The following ATAD1 variants were observed in gnomAD, a reference collection of about 807,000 sequenced individuals.
ATAD1 encodes outer mitochondrial transmembrane helix translocase.
In ATAD1, 18 loss-of-function variants were observed where a neutral mutation model predicts 42.7. That is an observed-to-expected ratio of 0.42 (90% confidence interval 0.29 to 0.63). ATAD1 has a LOEUF of 0.63. Among genes scored for constraint, ATAD1 ranks in the 20% least tolerant of loss-of-function variants. ATAD1 has a pLI of 0.19. For synonymous variants in ATAD1, 132 were observed against 143.1 expected, an observed-to-expected ratio of 0.92 and a Z score of 0.55; for missense variants, 294 against 440.4, an observed-to-expected ratio of 0.67 and a Z score of 2.98.
At chr10:87,812,014 C>A (rs746080305) in intron 2 of ATAD1, among the ~76,000 whole-genome samples, 3 of 152,172 alleles carry the variant, frequency 2.0e-5, no homozygotes, top group Non-Finnish European at 4.4e-5. Flanking sequence ...TTTCCCACAT[C>A]ATCACAAAGT....
Position 87,754,649 on chromosome 10 carries a change from C to T in ATAD1, c.*38G>A, listed in dbSNP as rs775643900. 1 of 1,591,914 alleles carries T rather than the reference C, an allele frequency of 6.3e-7. No homozygotes were observed. Among genetic ancestry groups the T allele is most frequent in the Non-Finnish European group, 8.6e-7 (1 of 1,166,154 alleles). ...TCCACTAACTGATAAGAGGACACAC[C>T]AAACTAGATCACTGAACTGTACAAA... is the stretch of plus-strand genomic sequence containing the variant. On this transcript the variant is annotated 3_prime_UTR_variant, in exon 10 of 10. Coordinates refer to ENST00000680024, the MANE Select transcript of ATAD1 (RefSeq NM_001321967.2).
In ATAD1 at chr10:87,753,935, A is replaced by T. The variant is rs1399316917; in HGVS notation, c.*752T>A. On this transcript the variant is annotated 3_prime_UTR_variant, in exon 10 of 10. Coordinates refer to ENST00000680024, the MANE Select transcript of ATAD1 (RefSeq NM_001321967.2). ...ATTTAAATTTAAAAAGTTTATACTC[A>T]AGAGGTGAAATCAGTGTTGAGCACA... 1 of 152,390 alleles carries T rather than the reference A, an allele frequency of 6.6e-6. No individual in the cohort carries two copies. Among genetic ancestry groups the T allele is most frequent in the Non-Finnish European group, 1.5e-5 (1 of 68,024 alleles). 9.4% of individuals were successfully genotyped at this position (152,390 alleles called of 1,614,324 possible). A position where few individuals can be genotyped will look rare whatever the true frequency, so the allele number is the denominator to read the frequency against.
intron 2 of ATAD1, among the ~76,000 whole-genome samples, chr10:87,810,389 A>T (rs1008384174): frequency 6.6e-6 from 1 of 151,914 alleles, no homozygotes; most frequent in African/African-American, 2.4e-5. Context: ...TCCATTTTTT[A>T]TTTAAATCTT....
At chr10:87,781,673 C>T (rs953281934) in intron 5 of ATAD1, among the ~76,000 whole-genome samples, 5 of 151,906 alleles carry the variant, frequency 3.3e-5, no homozygotes, top group South Asian at 2.1e-4. Flanking sequence ...TGGGGTCTTG[C>T]TCTGTTGCCC....
chr10:87,751,744 A>G lies in ATAD1; in HGVS notation c.*2943T>C, dbSNP rs1221535304. The G allele has an allele frequency of 3.9e-5, 6 of 152,212 alleles. No homozygotes were observed. The highest frequency in any genetic ancestry group is 1.4e-4 in the African/African-American group (6 of 41,462). 9.4% of individuals were successfully genotyped at this position (152,212 alleles called of 1,614,324 possible). A position where few individuals can be genotyped will look rare whatever the true frequency, so the allele number is the denominator to read the frequency against. The stretch of plus-strand genomic sequence containing the variant: ...TGGAATTATTCTATGACTTCATTTG[A>G]AGCACCCAGTTGGTGCTGGAGTTTC... On this transcript the variant is annotated 3_prime_UTR_variant, in exon 10 of 10. Transcript: ENST00000680024.
intron 2 of ATAD1, among the ~76,000 whole-genome samples, chr10:87,797,641 A>G (rs1245905271): frequency 6.6e-6 from 1 of 152,162 alleles, no homozygotes; most frequent in Non-Finnish European, 1.5e-5. Context: ...GCTTGGGGGT[A>G]CCAGAGATTA....
intron 4 of ATAD1, among the ~76,000 whole-genome samples, chr10:87,785,278 G>C (rs1217494996): frequency 6.6e-6 from 1 of 151,680 alleles, no homozygotes; most frequent in Non-Finnish European, 1.5e-5. Flanking sequence ...TTAATACAAG[G>C]GATCTAGAGG....
chr10:87,755,589 A>G (rs966308350), intron 9 of ATAD1, among the ~76,000 whole-genome samples: 1 of 152,078 alleles, frequency 6.6e-6, no homozygotes, highest in African/African-American at 2.4e-5. Context: ...CTGGTTGGTT[A>G]TTTCTCCTCT....
rs369762197 is a variant in ATAD1, at chr10:87,830,501, GT to G, written c.-14+10685del. 1.4e-3 allele frequency among the ~76,000 whole-genome samples: 219 copies of G among 152,206 alleles called. 1 individual carries two copies. Among genetic ancestry groups the G allele is most frequent in the East Asian group, 9.8e-3 (51 of 5,182 alleles). Reference sequence around the variant, plus strand: ...ACTCACATAGATTCTTATGAATCATGTTTTTTTCCCCCCTGTCTTATGGTGC... The same window carrying G: ...ACTCACATAGATTCTTATGAATCATGTTTTTTCCCCCCTGTCTTATGGTGC... On this transcript the variant is annotated intron_variant, in intron 1 of 4. Coordinates refer to the ATAD1 transcript ENST00000495903.
intron 9 of ATAD1, among the ~76,000 whole-genome samples, chr10:87,756,566 T>C (rs555578347): frequency 6.6e-6 from 1 of 152,212 alleles, no homozygotes; most frequent in East Asian, 1.9e-4. Context: ...GAAATTCACC[T>C]TTTTTCTCCT....
chr10:87,758,996 A>AG (rs1204321176), intron 8 of ATAD1, among the ~76,000 whole-genome samples: 1 of 152,124 alleles, frequency 6.6e-6, no homozygotes, highest in African/African-American at 2.4e-5. Flanking sequence ...TGATGGTTAT[A>AG]GGGTTGCAAA....
chr10:87,772,220 T>TC (rs1316285495), intron 6 of ATAD1, among the ~76,000 whole-genome samples: 15 of 151,536 alleles, frequency 9.9e-5, no homozygotes, highest in Non-Finnish European at 1.3e-4. Flanking sequence ...TTTCTTTCTT[T>TC]TTTTTTTTGA....
intron 1 of ATAD1, among the ~76,000 whole-genome samples, chr10:87,828,873 C>G (rs1395894816): frequency 3.3e-5 from 5 of 152,182 alleles, no homozygotes; most frequent in African/African-American, 1.2e-4. Flanking sequence ...ATAAATGGAA[C>G]AACAAAGCTG....
upstream of ATAD1, chr10:87,818,296 G>T: frequency 1.0e-6 from 1 of 982,592 alleles, no homozygotes; most frequent in Non-Finnish European, 1.2e-6. Context: ...GCGACCCGCG[G>T]TCGCCGGCGC....
intron 8 of ATAD1, among the ~76,000 whole-genome samples, chr10:87,759,220 A>G (rs554851095): frequency 1.3e-5 from 2 of 152,274 alleles, no homozygotes; most frequent in African/African-American, 4.8e-5. Context: ...AATAACATAT[A>G]CCTATACACA....
chr10:87,815,213 T>C (rs950835710), intron 1 of ATAD1, among the ~76,000 whole-genome samples: 2 of 151,930 alleles, frequency 1.3e-5, no homozygotes, highest in Non-Finnish European at 1.5e-5. Flanking sequence ...TAGGAAGCAA[T>C]AGAACTTGGA....
At chr10:87,779,942 T>C (rs1208009407) in intron 5 of ATAD1, among the ~76,000 whole-genome samples, 1 of 152,200 alleles carries the variant, frequency 6.6e-6, no homozygotes, top group Non-Finnish European at 1.5e-5. Flanking sequence ...AACACTGTTT[T>C]ACCATGTGAT....
intron 2 of ATAD1, among the ~76,000 whole-genome samples, chr10:87,800,778 G>A (rs952623811): frequency 3.3e-4 from 50 of 152,154 alleles, no homozygotes; most frequent in African/African-American, 1.1e-3. Context: ...TTCAGGCTCC[G>A]TAGAAAATGC....
chr10:87,776,448 A>C, intron 5 of ATAD1, 21 bp from the exon 6 acceptor site: 2 of 1,556,626 alleles, frequency 1.3e-6, no homozygotes, highest in Non-Finnish European at 1.8e-6. Context: ...AAGGTCCTTA[A>C]CCTTAGAAAT....
Sources: gnomAD v4.1 joint callset for allele counts (sites outside exome capture counted in the v4.1 genomes callset) on GRCh38, gnomAD v4.1.1 for gene constraint, MANE v1.5 for transcripts, NCBI Gene and HGNC (gene_info 2026-07-23, HGNC 2026-07-21) for gene names.